Variants in EFHC1 observed in about 807,000 individuals in gnomAD.
EFHC1 encodes EF-hand domain-containing protein 1.
EFHC1 carries 53 observed loss-of-function variants against 69.9 expected under a neutral mutation model. That is an observed-to-expected ratio of 0.76 (90% CI 0.61 to 0.95). EFHC1 has a LOEUF of 0.95. Ranked by LOEUF, EFHC1 falls within the 40% of genes least tolerant of loss-of-function variation. EFHC1 has a pLI of 0.00. For missense variants in EFHC1, 739 were observed against 798.7 expected, an observed-to-expected ratio of 0.93 and a Z score of 0.90; for synonymous variants, 256 against 278.4, an observed-to-expected ratio of 0.92 and a Z score of 0.80.
intron 9 of EFHC1, chr6:52,485,387 A>T (rs1231911768): frequency 6.6e-6 from 1 of 152,122 alleles, no homozygotes. Flanking sequence ...TACCACTGTG[A>T]CTCTTAGAAT....
rs151323762 is a variant in EFHC1 at position 52,448,632 on chromosome 6, G to A, written c.574-4056G>A. Among the ~76,000 whole-genome samples, 780 of 152,282 alleles carry A rather than the reference G, an allele frequency of 5.1e-3. 8 individuals are homozygous for A. The highest frequency in any genetic ancestry group is 0.018 in the African/African-American group (734 of 41,556). On this transcript the variant is annotated intron_variant, in intron 3 of 10. Coordinates refer to ENST00000371068, the MANE Select transcript of EFHC1 (RefSeq NM_018100.4). ...AATGCAGAAATCACCCGTCTTCTGC[G>A]TTGCTCATGCTGGGAGCTTCAGACT...
intron 4 of EFHC1, chr6:52,453,316 G>T (rs955194009): frequency 1.5e-5 from 19 of 1,287,124 alleles, no homozygotes; most frequent in Non-Finnish European, 1.8e-5. Context: ...TAATATTGGA[G>T]TCCAGAATGT....
At chr6:52,438,893 C>T (rs1764596854) in intron 3 of EFHC1, among the ~76,000 whole-genome samples, 2 of 152,136 alleles carry the variant, frequency 1.3e-5, no homozygotes, top group Admixed American at 6.5e-5. Context: ...GGAATAGCAT[C>T]CCTGCTGGGA....
intron 7 of EFHC1, 54 bp from the exon 8 acceptor site, chr6:52,478,983 A>T: frequency 6.4e-7 from 1 of 1,560,966 alleles, no homozygotes; most frequent in African/African-American, 1.4e-5. Flanking sequence ...TTAAGTTGGC[A>T]CATCTGCATA....
At position 52,464,698 on chromosome 6, in the gene EFHC1, A is replaced by G. The variant is rs78764883; in HGVS notation, c.917-197A>G. Among the ~76,000 whole-genome samples the G allele has an allele frequency of 5.0e-3, 764 of 152,332 alleles. 2 individuals are homozygous for G. Among genetic ancestry groups the G allele is most frequent in the African/African-American group, 0.017 (725 of 41,568 alleles). On this transcript the variant is annotated intron_variant, in intron 5 of 10. Transcript: ENST00000371068. Reference sequence around the variant, plus strand: ...GGGAGAGAGACTTCACAAAAACCGTATTATGTACGTGTCGTATCAACAGAT... The same window carrying G: ...GGGAGAGAGACTTCACAAAAACCGTGTTATGTACGTGTCGTATCAACAGAT...
chr6:52,438,696 C>A, intron 3 of EFHC1, 105 bp downstream of exon 3: 1 of 1,255,738 alleles, frequency 8.0e-7, no homozygotes, highest in South Asian at 1.2e-5. Flanking sequence ...GGTAATCTGT[C>A]CTGCATGAAT....
chr6:52,456,588 C>A (rs547030095), intron 5 of EFHC1, among the ~76,000 whole-genome samples: 1 of 152,222 alleles, frequency 6.6e-6, no homozygotes, highest in African/African-American at 2.4e-5. Context: ...CATGGAGAGG[C>A]AGCCTGGTGG....
rs771434258 is a variant in EFHC1 at position 52,424,012 on chromosome 6, A to G, written c.130A>G (p.Thr44Ala). 12 of 1,614,042 alleles carry G rather than the reference A, an allele frequency of 7.4e-6. No homozygotes were observed. Among genetic ancestry groups the G allele is most frequent in the Middle Eastern group, 1.6e-4 (1 of 6,084 alleles). ...CGGCTATGCAATTGTTCGACGTCCAACAGTTGGGATAGGCGGAGACCGGCT... is the reference window on the plus strand; with the variant it reads ...CGGCTATGCAATTGTTCGACGTCCAGCAGTTGGGATAGGCGGAGACCGGCT... ...RNGYAIVRRPTVGIGGDRLQF... is the reference protein window; with the variant it reads ...RNGYAIVRRPAVGIGGDRLQF... The change falls in exon 2 of 11, where the codon ACA (threonine) becomes GCA (alanine). Residue 44 changes from threonine to alanine, a missense_variant. Coordinates refer to ENST00000371068, the MANE Select transcript of EFHC1 (RefSeq NM_018100.4).
rs796052419 is a variant in EFHC1, at chr6:52,420,429, C to G, written c.19C>G (p.His7Asp). 8 of 1,614,136 alleles carry G rather than the reference C, an allele frequency of 5.0e-6. No homozygotes were observed. Among genetic ancestry groups the G allele is most frequent in the Non-Finnish European group, 6.8e-6 (8 of 1,180,054 alleles). Residue 7 changes from histidine (H) to aspartate (D), a missense_variant, in exon 1 of 11, where the codon CAT (histidine) becomes GAT (aspartate). Coordinates refer to ENST00000371068, the MANE Select transcript of EFHC1 (RefSeq NM_018100.4). MVSNPV[H>D]GLPFLPGTSF... ...GGCTGCAATGGTGTCCAATCCCGTG[C>G]ATGGCTTGCCCTTTCTTCCGGGCAC...
At chr6:52,426,617 C>T (rs1764306851) in intron 2 of EFHC1, among the ~76,000 whole-genome samples, 1 of 152,126 alleles carries the variant, frequency 6.6e-6, no homozygotes, top group Admixed American at 6.6e-5. Context: ...GATATCTTCA[C>T]CTGGATGAAC....
At chr6:52,449,908 T>C (rs1383941739) in intron 3 of EFHC1, among the ~76,000 whole-genome samples, 1 of 152,216 alleles carries the variant, frequency 6.6e-6, no homozygotes, top group Non-Finnish European at 1.5e-5. Context: ...ATTAGGTTGT[T>C]AATTTGAGAT....
chr6:52,470,918 T>C (rs1374260477), intron 7 of EFHC1, among the ~76,000 whole-genome samples: 2 of 152,230 alleles, frequency 1.3e-5, no homozygotes, highest in East Asian at 3.8e-4. Flanking sequence ...TCACTAAAAG[T>C]TAAAGCATTT....
At chr6:52,443,502 A>G (rs1014512534) in intron 3 of EFHC1, among the ~76,000 whole-genome samples, 9 of 152,216 alleles carry the variant, frequency 5.9e-5, no homozygotes, top group Non-Finnish European at 1.3e-4. Flanking sequence ...AGCTTTCTAC[A>G]TATGGCTAGC....
chr6:52,464,869 TTCTC>T (rs569236695), intron 5 of EFHC1, 22 bp from the exon 6 acceptor site: 50 of 1,598,534 alleles, frequency 3.1e-5, no homozygotes, highest in Non-Finnish European at 3.4e-6. Context: ...CCTTCTTTTT[TTCTC>T]TCTAACACCA....
At chr6:52,434,495 T>A (rs931904092) in intron 2 of EFHC1, among the ~76,000 whole-genome samples, 7 of 152,190 alleles carry the variant, frequency 4.6e-5, no homozygotes, top group African/African-American at 7.2e-5. Flanking sequence ...TGATCTCCCT[T>A]TCCCACTTCC....
In EFHC1 at chr6:52,496,581, A is replaced by G. The variant is rs1286668825; in HGVS notation, c.*4240A>G. ...CCTGCTGGCACATAAGTTCATTTTA[A>G]AAAGCCAATATGAGTGCTTTATATG... On this transcript the variant is annotated 3_prime_UTR_variant, in exon 11 of 11. Transcript: ENST00000371068. The G allele has an allele frequency of 6.6e-6, 1 of 152,200 alleles. No homozygotes were observed. The highest frequency in any genetic ancestry group is 2.4e-5 in the African/African-American group (1 of 41,448). 9.4% of individuals were successfully genotyped at this position (152,200 alleles called of 1,614,324 possible). A position where few individuals can be genotyped will look rare whatever the true frequency, so the allele number is the denominator to read the frequency against.
In EFHC1 at chr6:52,424,130, C is replaced by T. The variant is rs557599173; in HGVS notation, c.248C>T (p.Ala83Val). Residue 83 changes from alanine to valine, a missense_variant, in exon 2 of 11, where the codon GCG becomes GTG. Ala to Val is a moderately conservative substitution (Grantham distance 64). Transcript: ENST00000371068. ...GGCCAACCTAAACAAGCCCCACCTG[C>T]GGATTTTATTCCTGCGCATGTGGCC... ...TYGQPKQAPP[A>V]DFIPAHVAFD... 1.1e-5 allele frequency: 17 copies of T among 1,614,058 alleles called. No individual in the cohort carries two copies. Among genetic ancestry groups the T allele is most frequent in the South Asian group, 4.4e-5 (4 of 91,078 alleles).
At chr6:52,482,821 A>AT (rs1361734011) in intron 9 of EFHC1, 1 of 398,464 alleles carries the variant, frequency 2.5e-6, no homozygotes, top group African/African-American at 2.1e-5. Flanking sequence ...GCACATCCAG[A>AT]TTCTCTTGAA....
chr6:52,478,905 A>T (rs907274508), intron 7 of EFHC1, 132 bp from the exon 8 acceptor site: 3 of 837,600 alleles, frequency 3.6e-6, no homozygotes, highest in Admixed American at 4.3e-5. Flanking sequence ...TTCCCCATAG[A>T]TGGTTTGTTT....
Sources: gnomAD v4.1 joint callset for allele counts (sites outside exome capture counted in the v4.1 genomes callset) on GRCh38, gnomAD v4.1.1 for gene constraint, MANE v1.5 for transcripts, NCBI Gene and HGNC (gene_info 2026-07-23, HGNC 2026-07-21) for gene names.